KCNC4: variants seen among roughly 807,000 people sequenced by gnomAD.
KCNC4 encodes the protein potassium voltage-gated channel subfamily C member 4, also known as voltage-gated potassium channel KCNC4.
KCNC4 carries 23 observed loss-of-function variants against 42.8 expected under a neutral mutation model. That is an observed-to-expected ratio of 0.54 (90% confidence interval 0.39 to 0.76). The LOEUF is 0.76. KCNC4 is among the 30% of genes least tolerant of loss of function. The pLI is 0.00. For synonymous variants in KCNC4, 422 were observed against 393.5 expected (o/e 1.07, Z -0.86); for missense variants, 751 against 898.2 (o/e 0.84, Z 2.10).
chr1:110,213,197 A>AAAAAAAAAAAAAAAT (rs869067205), intron 1 of KCNC4, among the ~76,000 whole-genome samples: 1 of 147,162 alleles, frequency 6.8e-6, no homozygotes, highest in Non-Finnish European at 1.5e-5. Flanking sequence ...AAAAAAAAAA[A>AAAAAAAAAAAAAAAT]TCCCTGAAGG....
intron 1 of KCNC4, chr1:110,222,159 A>G (rs1658135517): frequency 6.6e-6 from 1 of 152,224 alleles, no homozygotes; most frequent in African/African-American, 2.4e-5. Flanking sequence ...CTCAACTGCC[A>G]TGGTGCATGT....
intron 3 of KCNC4, among the ~76,000 whole-genome samples, chr1:110,231,291 G>A (rs1400359197): frequency 6.6e-6 from 1 of 152,136 alleles, no homozygotes; most frequent in Admixed American, 6.5e-5. Flanking sequence ...GGCCTGCTCT[G>A]CTCTGGCCAG....
At chr1:110,230,582 C>T (rs1658641872) in intron 3 of KCNC4, among the ~76,000 whole-genome samples, 1 of 152,202 alleles carries the variant, frequency 6.6e-6, no homozygotes, top group Admixed American at 6.5e-5. Flanking sequence ...TCCCTCTCTT[C>T]CCTCCCACAG....
downstream of KCNC4, among the ~76,000 whole-genome samples, chr1:110,283,799 C>T (rs1334810553): frequency 3.9e-5 from 6 of 152,032 alleles, no homozygotes; most frequent in African/African-American, 1.4e-4. Flanking sequence ...GACTGAAGTC[C>T]CAGGTTCTGT....
Position 110,211,101 on chromosome 1 carries a change from C to T in KCNC4, c.-399C>T, listed in dbSNP as rs1657414148. 6.6e-6 allele frequency among the ~76,000 whole-genome samples: 1 copy of T among 152,262 alleles called. No homozygotes were observed. Among genetic ancestry groups the T allele is most frequent in the Non-Finnish European group, 1.5e-5 (1 of 68,048 alleles). ...GGAGGGTGGCCCGTGTGAGCGCGAG[C>T]GCCCCGGACCTTCGCGGTGCGCGTG... is the stretch of plus-strand genomic sequence containing the variant. On this transcript the variant is annotated 5_prime_UTR_variant, in exon 1 of 4. Transcript: ENST00000438661. The surrounding 1 kb of genome is among the most constrained non-coding windows in gnomAD (Gnocchi z 6.5).
chr1:110,246,835 G>C (rs1382196362), exon 4 of KCNC4: 1 of 146,182 alleles, frequency 6.8e-6, no homozygotes, highest in Admixed American at 6.9e-5. Flanking sequence ...TTGCACAGTA[G>C]TTATATCAGG....
chr1:110,251,816 A>G (rs12125441), downstream of KCNC4, among the ~76,000 whole-genome samples: 50,241 of 152,170 alleles, frequency 0.33, 8,752 homozygotes, highest in Non-Finnish European at 0.38. Flanking sequence ...ACAAGGCACA[A>G]AAGGTTAAGG....
intron 1 of KCNC4, among the ~76,000 whole-genome samples, chr1:110,264,276 G>C (rs1659501616): frequency 6.6e-6 from 1 of 152,170 alleles, no homozygotes; most frequent in African/African-American, 2.4e-5. Flanking sequence ...GACCTAAAAA[G>C]GCAAGACATC....
chr1:110,259,099 C>T (rs1659383716), intron 1 of KCNC4, among the ~76,000 whole-genome samples: 1 of 152,170 alleles, frequency 6.6e-6, no homozygotes, highest in Admixed American at 6.5e-5. Context: ...TCCTCAAGCA[C>T]CCAGAAGGTA....
intron 1 of KCNC4, 39 bp downstream of exon 1, chr1:110,212,216 G>C: frequency 1.4e-6 from 2 of 1,421,384 alleles, no homozygotes; most frequent in South Asian, 3.2e-5. Flanking sequence ...TCTTGGGTCT[G>C]CAAGGGGTCC....
intron 3 of KCNC4, chr1:110,232,611 C>T: frequency 6.9e-7 from 1 of 1,440,492 alleles, no homozygotes; most frequent in Non-Finnish European, 9.1e-7. Flanking sequence ...TGGCGATGAG[C>T]TACAACATCA....
At chr1:110,225,790 C>T in intron 2 of KCNC4, 185 bp from the exon 3 acceptor site, 1 of 593,996 alleles carries the variant, frequency 1.7e-6, no homozygotes, top group Non-Finnish European at 3.0e-6. Flanking sequence ...AGTCTTCACA[C>T]CAAGTGTAGC....
exon 4 of KCNC4, chr1:110,248,452 TG>T (rs1659193381): frequency 4.2e-5 from 4 of 96,076 alleles, no homozygotes; most frequent in Non-Finnish European, 1.2e-4. Flanking sequence ...TTTTTGTTTT[TG>T]TTTTTTTTTG....
intron 1 of KCNC4, among the ~76,000 whole-genome samples, chr1:110,276,751 GACATTTTGTATTCAACACATCTTAGA>G (rs1659733398): frequency 6.6e-6 from 1 of 152,170 alleles, no homozygotes; most frequent in Non-Finnish European, 1.5e-5. Flanking sequence ...GAGAGAGCAG[GACATTTTGTATTCAACACATCTTAGA>G]ACAGCCCCAG....
intron 1 of KCNC4, among the ~76,000 whole-genome samples, chr1:110,281,254 C>G (rs1444919196): frequency 6.6e-6 from 1 of 152,060 alleles, no homozygotes; most frequent in Non-Finnish European, 1.5e-5. Flanking sequence ...TCCTCCCAGA[C>G]TTGCCAGCTG....
At chr1:110,212,738 T>TGA (rs1342273338) in intron 1 of KCNC4, among the ~76,000 whole-genome samples, 1 of 152,204 alleles carries the variant, frequency 6.6e-6, no homozygotes, top group African/African-American at 2.4e-5. Flanking sequence ...GAGGCAAAGC[T>TGA]GAGACCACAA....
In KCNC4 at chr1:110,275,724, C is replaced by A. The variant is rs562524458; in HGVS notation, n.31-6810C>A. ...CTGTAATCCCAGCACTTTGGGAGGC[C>A]GAGGCGGGTGGATCATGAGGTCAGG... is the stretch of plus-strand genomic sequence containing the variant. On this transcript the variant is annotated intron_variant and non_coding_transcript_variant, in intron 1 of 2. Coordinates refer to the KCNC4 transcript ENST00000412512. Among the ~76,000 whole-genome samples, 3 of 151,972 alleles carry A rather than the reference C, an allele frequency of 2.0e-5. No individual in the cohort carries two copies. The South Asian group carries it at 6.2e-4, about 32-fold the overall frequency.
At chr1:110,274,549 A>G (rs1287141796) in intron 1 of KCNC4, among the ~76,000 whole-genome samples, 1 of 152,240 alleles carries the variant, frequency 6.6e-6, no homozygotes, top group Admixed American at 6.5e-5. Flanking sequence ...GAGCCCAAAT[A>G]GCCAAAGCAA....
At chr1:110,248,367 GT>G (rs1318283630) in exon 4 of KCNC4, 13 of 152,116 alleles carry the variant, frequency 8.5e-5, no homozygotes, top group African/African-American at 3.1e-4. Context: ...GACAATAATT[GT>G]TTGACTTTGT....
Sources: gnomAD v4.1 joint callset for allele counts (sites outside exome capture counted in the v4.1 genomes callset) on GRCh38, gnomAD v4.1.1 for gene constraint, Gnocchi (gnomAD v3.1) non-coding constraint, MANE v1.5 for transcripts, NCBI Gene and HGNC (gene_info 2026-07-23, HGNC 2026-07-21) for gene names.